Variants in BTBD2 observed in about 807,000 individuals in gnomAD.
BTBD2 encodes the protein BTB/POZ domain-containing protein 2.
In BTBD2, 15 loss-of-function variants were observed where a neutral mutation model predicts 44.0. The observed-to-expected ratio is 0.34, with a 90% CI of 0.23 to 0.53. The LOEUF (loss-of-function observed/expected upper bound fraction) is 0.53. BTBD2 is among the 20% of genes least tolerant of loss of function. The pLI is 0.95. For synonymous variants in BTBD2, 443 were observed against 335.9 expected (o/e 1.32, Z -3.49); for missense variants, 657 against 746.4 (o/e 0.88, Z 1.39).
Position 1,993,275 on chromosome 19 carries a change from G to C in BTBD2, c.528-99C>G. On this transcript the variant is annotated intron_variant, in intron 2 of 8. Transcript: ENST00000255608. ...CTCAGACCGTTAGACTCGGCCACCG[G>C]CCCTTGAGCTGGCAGGACCCAAACA... is the stretch of plus-strand genomic sequence containing the variant. The C allele has an allele frequency of 2.8e-6, 4 of 1,443,230 alleles. No individual in the cohort carries two copies. In the South Asian group the frequency reaches 4.1e-5, roughly 15 times the overall value. The allele number at this position is 1,443,230 out of a possible 1,614,324, so 89.4% of individuals were successfully genotyped here. A position where few individuals can be genotyped will look rare whatever the true frequency, so the allele number is the denominator to read the frequency against.
chr19:1,992,301 T>C (rs1408096209), intron 3 of BTBD2, among the ~76,000 whole-genome samples: 2 of 152,068 alleles, frequency 1.3e-5, no homozygotes, highest in Non-Finnish European at 2.9e-5. Context: ...GGTTTCACCA[T>C]GTTGGCCAGG....
chr19:1,995,403 T>C (rs1263538481), intron 2 of BTBD2, among the ~76,000 whole-genome samples: 4 of 148,746 alleles, frequency 2.7e-5, no homozygotes, highest in Non-Finnish European at 4.5e-5. Context: ...TGCCTCAGCC[T>C]CCTGAGTAGC....
chr19:2,006,107 T>A (rs1309185422), intron 1 of BTBD2, among the ~76,000 whole-genome samples: 3 of 151,000 alleles, frequency 2.0e-5, no homozygotes, highest in Non-Finnish European at 4.4e-5. Flanking sequence ...AAAAAAAAAT[T>A]TAATTTTTAA....
rs1002933850 is a variant in BTBD2, at chr19:1,986,135, G to A, written c.*353C>T. On this transcript the variant is annotated 3_prime_UTR_variant, in exon 9 of 9. Coordinates refer to ENST00000255608, the MANE Select transcript of BTBD2 (RefSeq NM_017797.4). ...GCATTGCAATGTGCAGTGAAGAGAC[G>A]CGAGGGACGCCCGCGGCGCACCGCC... The A allele has an allele frequency of 4.4e-5, 14 of 316,176 alleles. No individual in the cohort carries two copies. The highest frequency in any genetic ancestry group is 2.6e-4 in the East Asian group (4 of 15,208). 19.6% of individuals were successfully genotyped at this position (316,176 alleles called of 1,614,324 possible).
chr19:2,001,358 T>C (rs966292986), intron 1 of BTBD2, among the ~76,000 whole-genome samples: 1 of 151,282 alleles, frequency 6.6e-6, no homozygotes, highest in African/African-American at 2.4e-5. Context: ...TAGCCGGGCG[T>C]GGTGGCACCT....
intron 1 of BTBD2, among the ~76,000 whole-genome samples, chr19:2,006,388 T>C (rs967066127): frequency 1.3e-5 from 2 of 151,742 alleles, no homozygotes; most frequent in Non-Finnish European, 2.9e-5. Flanking sequence ...AAAGTAAACA[T>C]GCCAGCTACT....
Position 1,989,151 on chromosome 19 carries a change from T to C in BTBD2, c.988+853A>G, listed in dbSNP as rs187699274. 5.2e-3 allele frequency among the ~76,000 whole-genome samples: 795 copies of C among 152,244 alleles called. 12 individuals are homozygous for C. The highest frequency in any genetic ancestry group is 4.4e-3 in the Non-Finnish European group (298 of 68,032). ...GCCCATGTCCATAATCCCAGCACTT[T>C]GTGAGGCCGAGATGGGAGGATGGCT... On this transcript the variant is annotated intron_variant, in intron 5 of 8. Transcript: ENST00000255608.
rs111270029 is a variant in BTBD2 at position 2,002,332 on chromosome 19, C to G, written c.408-4869G>C. Among the ~76,000 whole-genome samples the G allele has an allele frequency of 2.0e-3, 312 of 152,346 alleles. 2 individuals are homozygous for G. The highest frequency in any genetic ancestry group is 6.9e-3 in the African/African-American group (286 of 41,588). On this transcript the variant is annotated intron_variant, in intron 1 of 8. Transcript: ENST00000255608. ...CTGGGCTCAAGCGATCCTCCCAGTT[C>G]AGCTGCCCAAAGCGCTGTGATTACA...
intron 1 of BTBD2, among the ~76,000 whole-genome samples, chr19:2,008,301 CTCT>C (rs1355054240): frequency 4.0e-4 from 41 of 103,778 alleles, no homozygotes; most frequent in African/African-American, 1.9e-3. Context: ...ACTGCGCCCA[CTCT>C]TTTTTTTTTT....
chr19:1,994,574 C>T (rs2016225679), intron 2 of BTBD2, among the ~76,000 whole-genome samples: 1 of 151,770 alleles, frequency 6.6e-6, no homozygotes, highest in Non-Finnish European at 1.5e-5. Context: ...TCCTGGCCAA[C>T]ATGATGAAAC....
At chr19:1,991,141 G>A (rs1014404732) in intron 3 of BTBD2, 8 of 271,314 alleles carry the variant, frequency 2.9e-5, no homozygotes, top group Non-Finnish European at 2.2e-5. Context: ...CTGCACTCGG[G>A]GGGCAGCAGG....
intron 3 of BTBD2, 161 bp from the exon 4 acceptor site, chr19:1,990,983 TG>T: frequency 1.6e-6 from 1 of 637,730 alleles, no homozygotes; most frequent in African/African-American, 1.8e-5. Flanking sequence ...GGCCCTGTTG[TG>T]GGCCCAGAGA....
At position 1,990,750 on chromosome 19, in the gene BTBD2, T is replaced by G. The variant is rs2016164748; in HGVS notation, c.757A>C (p.Ile253Leu). 1 of 1,603,440 alleles carries G rather than the reference T, an allele frequency of 6.2e-7. No individual in the cohort carries two copies. Among genetic ancestry groups the G allele is most frequent in the African/African-American group, 1.3e-5 (1 of 74,608 alleles). ...ENIDKNTADA[I>L]TAEGFTDIDL... ...ATGTCGGTGAAGCCCTCCGCGGTGA[T>G]GGCGTCTGCAGTGTTTTTGTCGATG... is the stretch of plus-strand genomic sequence containing the variant. The change falls in exon 4 of 9, where the codon ATC (isoleucine) becomes CTC (leucine). Residue 253 changes from isoleucine to leucine, a missense_variant. Physicochemically the swap from Ile to Leu is conservative, Grantham distance 5 (BLOSUM62 2). Coordinates refer to ENST00000255608, the MANE Select transcript of BTBD2 (RefSeq NM_017797.4).
rs115107912 is a variant in BTBD2 at position 1,998,004 on chromosome 19, C to A, written c.408-541G>T. Among the ~76,000 whole-genome samples the A allele has an allele frequency of 3.0e-3, 452 of 152,324 alleles. 2 individuals are homozygous for A. The highest frequency in any genetic ancestry group is 0.01 in the African/African-American group (428 of 41,578). ...ACATGCATTCATTGATCCACTGATT[C>A]ATTCCCGTGGGCATGCATTCACTTG... On this transcript the variant is annotated intron_variant, in intron 1 of 8. Transcript: ENST00000255608.
At chr19:2,000,716 C>A (rs928895637) in intron 1 of BTBD2, among the ~76,000 whole-genome samples, 6 of 152,128 alleles carry the variant, frequency 3.9e-5, no homozygotes, top group Admixed American at 3.3e-4. Context: ...AAATCGAGAA[C>A]ACACGGCCAC....
chr19:2,011,913 A>G (rs1276061960), intron 1 of BTBD2, among the ~76,000 whole-genome samples: 6 of 150,440 alleles, frequency 4.0e-5, no homozygotes, highest in African/African-American at 7.3e-5. Context: ...GGAGTGCAGT[A>G]GCGCAACCTC....
intron 1 of BTBD2, among the ~76,000 whole-genome samples, chr19:2,004,390 C>T (rs752470584): frequency 2.0e-5 from 3 of 151,694 alleles, no homozygotes; most frequent in East Asian, 2.0e-4. Context: ...ATCTGCCTCC[C>T]GGGTGCAAGC....
chr19:1,986,451 TC>T lies in BTBD2; in HGVS notation c.*36del. On this transcript the variant is annotated 3_prime_UTR_variant, in exon 9 of 9. Transcript: ENST00000255608. ...AGATGATGGCCTGGGGCTGCGGCTA[TC>T]CCCACGGAGGGAGGGCGGTGTCGGT... is the stretch of plus-strand genomic sequence containing the variant. 1 of 1,606,842 alleles carries T rather than the reference TC, an allele frequency of 6.2e-7. No homozygotes were observed. The highest frequency in any genetic ancestry group is 8.5e-7 in the Non-Finnish European group (1 of 1,174,600).
At chr19:1,987,365 C>T in intron 6 of BTBD2, 112 bp from the exon 7 acceptor site, 1 of 1,423,470 alleles carries the variant, frequency 7.0e-7, no homozygotes, top group South Asian at 1.3e-5. Context: ...AGTCCTCCAC[C>T]CCCATGCCCG....
Sources: allele counts gnomAD v4.1 joint callset (sites outside exome capture counted in the v4.1 genomes callset), GRCh38; gene constraint gnomAD v4.1.1; transcripts MANE v1.5; gene names NCBI Gene and HGNC (gene_info 2026-07-23, HGNC 2026-07-21).